The following ISX variants were observed in gnomAD, a reference collection of about 807,000 sequenced individuals.
The protein encoded by ISX is intestine specific homeobox.
ISX carries 15 observed loss-of-function variants against 16.9 expected under a neutral mutation model. That is an observed-to-expected ratio of 0.89 (90% CI 0.59 to 1.36). ISX has a LOEUF of 1.36. Ranked by LOEUF, ISX falls within the 40% of genes most tolerant of loss-of-function variation. ISX has a pLI of 0.00. For missense variants in ISX, 316 were observed against 306.1 expected (o/e 1.03, Z -0.24); for synonymous variants, 125 against 119.7 (o/e 1.04, Z -0.29).
rs997808442 is a variant in ISX at position 35,082,498 on chromosome 22, T to A, written c.230-20T>A. 1.2e-6 allele frequency: 2 copies of A among 1,612,916 alleles called. No individual in the cohort carries two copies. Among genetic ancestry groups the A allele is most frequent in the Non-Finnish European group, 1.7e-6 (2 of 1,179,206 alleles). ...CTGACACCAAGGCCACTGACACAACTTGGACCCTCTCCCATGCAGAAGGAA... is the reference window on the plus strand; with the variant it reads ...CTGACACCAAGGCCACTGACACAACATGGACCCTCTCCCATGCAGAAGGAA... On this transcript the variant is annotated intron_variant, in intron 2 of 4. Transcript: ENST00000404699.
In ISX at chr22:35,085,676, TG is replaced by T. The variant is rs1190927306; in HGVS notation, c.722del (p.Cys241LeufsTer64). 1 of 1,614,256 alleles carries T rather than the reference TG, an allele frequency of 6.2e-7. No individual in the cohort carries two copies. Among genetic ancestry groups the T allele is most frequent in the Admixed American group, 1.7e-5 (1 of 60,032 alleles). On this transcript the variant is annotated frameshift_variant, in exon 5 of 5. Transcript: ENST00000404699. LOFTEE classifies it high-confidence loss of function. ...PPPHPKWGSI[C>X]ATST ...TCCACACCCCAAATGGGGCAGCATC[TG>T]TGCTACTTCAACATAGAGATTGGAC... is the stretch of plus-strand genomic sequence containing the variant.
At chr22:35,084,167 A>T (rs1356211298) in intron 3 of ISX, among the ~76,000 whole-genome samples, 1 of 152,220 alleles carries the variant, frequency 6.6e-6, no homozygotes, top group African/African-American at 2.4e-5. Context: ...TGCTTCACTC[A>T]TGCATGGCCC....
Position 35,082,533 on chromosome 22 carries a change from AG to A in ISX, c.246del (p.Lys82AsnfsTer71). On this transcript the variant is annotated frameshift_variant, in exon 3 of 5. Transcript: ENST00000404699. LOFTEE classifies it high-confidence loss of function. ...KDQPQEGRKS[K>X]RRVRTTFTTE... is the part of the protein sequence containing the mutation. ...TCCCATGCAGAAGGAAGGAAGAGCA[AG>A]CGGAGGGTTCGTACCACCTTCACCA... 1 of 1,614,086 alleles carries A rather than the reference AG, an allele frequency of 6.2e-7. No individual in the cohort carries two copies. Among genetic ancestry groups the A allele is most frequent in the South Asian group, 1.1e-5 (1 of 91,076 alleles).
chr22:35,082,562 G>A lies in ISX; in HGVS notation c.274G>A (p.Glu92Lys), dbSNP rs754013706. The part of the protein sequence containing the change: ...KRRVRTTFTT[E>K]QLHELEKIFH... ...GAGGGTTCGTACCACCTTCACCACT[G>A]AGCAGCTGCATGAGCTGGAGAAGAT... The change falls in exon 3 of 5, where the codon GAG (glutamate) becomes AAG (lysine). Residue 92 changes from glutamate to lysine, a missense_variant. Physicochemically the swap from Glu to Lys is moderately conservative, Grantham distance 56. Coordinates refer to ENST00000404699, the MANE Select transcript of ISX (RefSeq NM_001303508.2). 1.2e-6 allele frequency: 2 copies of A among 1,614,074 alleles called. No homozygotes were observed. Among genetic ancestry groups the A allele is most frequent in the Non-Finnish European group, 8.5e-7 (1 of 1,180,032 alleles).
In ISX at chr22:35,082,454, C is replaced by G. The variant is rs555716452; in HGVS notation, c.230-64C>G. 23 of 1,562,410 alleles carry G rather than the reference C, an allele frequency of 1.5e-5. No individual in the cohort carries two copies. The African/African-American group carries it at 3.1e-4, about 21-fold the overall frequency. On this transcript the variant is annotated intron_variant, in intron 2 of 4. Transcript: ENST00000404699. ...GGTGGAAGGGTAGGACAAGGCAACA[C>G]AAAAACCCCACCTAGGTGCTGACAC...
Position 35,070,889 on chromosome 22 carries a change from G to T in ISX, c.229+3573G>T, listed in dbSNP as rs369257142. On this transcript the variant is annotated intron_variant, in intron 2 of 4. Transcript: ENST00000404699. ...TAATTTTAAGCTTTGATGGTCAGATGGTCTCTGTCACAATTACGCAACTCT... is the reference window on the plus strand; with the variant it reads ...TAATTTTAAGCTTTGATGGTCAGATTGTCTCTGTCACAATTACGCAACTCT... Among the ~76,000 whole-genome samples, 15 of 152,306 alleles carry T rather than the reference G, an allele frequency of 9.8e-5. No individual in the cohort carries two copies. In the East Asian group the frequency reaches 2.5e-3, roughly 25 times the overall value.
At chr22:35,083,168 T>C (rs1929163948) in intron 3 of ISX, among the ~76,000 whole-genome samples, 1 of 152,268 alleles carries the variant, frequency 6.6e-6, no homozygotes, top group African/African-American at 2.4e-5. Context: ...GAATGTTGTG[T>C]AATTTGCCTG....
At chr22:35,071,781 C>A (rs1601556700) in intron 2 of ISX, among the ~76,000 whole-genome samples, 1 of 152,276 alleles carries the variant, frequency 6.6e-6, no homozygotes, top group Non-Finnish European at 1.5e-5. Flanking sequence ...GGGAGAGGTA[C>A]CCTGGGTCAG....
chr22:35,082,717 ATG>A (rs1929152638), intron 3 of ISX, 48 bp downstream of exon 3: 1 of 1,601,196 alleles, frequency 6.2e-7, no homozygotes, highest in Non-Finnish European at 8.5e-7. Flanking sequence ...CCTTGGGACC[ATG>A]TGTGAGACAC....
At chr22:35,072,182 AC>A (rs71322947) in intron 2 of ISX, among the ~76,000 whole-genome samples, 1 of 151,850 alleles carries the variant, frequency 6.6e-6, no homozygotes, top group Admixed American at 6.6e-5. Context: ...CTACAGGGAT[AC>A]CTGGAGACTG....
intron 2 of ISX, among the ~76,000 whole-genome samples, chr22:35,074,133 G>T (rs1280344475): frequency 6.6e-6 from 1 of 152,168 alleles, no homozygotes; most frequent in Non-Finnish European, 1.5e-5. Context: ...CCTCTTCCTT[G>T]CTGCTAATTG....
chr22:35,071,099 C>T (rs1424272495), intron 2 of ISX, among the ~76,000 whole-genome samples: 3 of 152,196 alleles, frequency 2.0e-5, no homozygotes, highest in Non-Finnish European at 4.4e-5. Context: ...TGGCCCTGTT[C>T]ATCCCAGGCT....
intron 2 of ISX, among the ~76,000 whole-genome samples, chr22:35,082,124 C>G (rs927044260): frequency 4.6e-5 from 7 of 152,250 alleles, no homozygotes; most frequent in Non-Finnish European, 8.8e-5. Context: ...CAAAAACTGT[C>G]AGAGACAATA....
chr22:35,070,113 C>CTAG (rs1928811357), intron 2 of ISX, among the ~76,000 whole-genome samples: 1 of 152,310 alleles, frequency 6.6e-6, no homozygotes, highest in Non-Finnish European at 1.5e-5. Flanking sequence ...TGGGGCCAGG[C>CTAG]TAGTTATCTG....
rs549997215 is a variant in ISX, at chr22:35,072,539, T to C, written c.229+5223T>C. Among the ~76,000 whole-genome samples the C allele has an allele frequency of 3.3e-5, 5 of 152,136 alleles. No homozygotes were observed. In the South Asian group the frequency reaches 8.3e-4, roughly 25 times the overall value. On this transcript the variant is annotated intron_variant, in intron 2 of 4. Coordinates refer to ENST00000404699, the MANE Select transcript of ISX (RefSeq NM_001303508.2). Reference sequence around the variant, plus strand: ...AAACCCTGGCAGTAAGAAGTAGATATGGAGCATGGAAAGGTCTGGGTGATA... The same window carrying C: ...AAACCCTGGCAGTAAGAAGTAGATACGGAGCATGGAAAGGTCTGGGTGATA...
chr22:35,067,408 T>C, intron 2 of ISX, 92 bp downstream of exon 2: 2 of 838,352 alleles, frequency 2.4e-6, no homozygotes, highest in Non-Finnish European at 1.9e-6. Context: ...CCATATTAAC[T>C]GGATAGAGGA....
At chr22:35,083,725 A>G (rs369039723) in intron 3 of ISX, among the ~76,000 whole-genome samples, 21 of 152,320 alleles carry the variant, frequency 1.4e-4, no homozygotes, top group African/African-American at 4.8e-4. Flanking sequence ...ACTCATGTCT[A>G]AGACTTCTCT....
chr22:35,068,741 C>T (rs915757105), intron 2 of ISX, among the ~76,000 whole-genome samples: 7 of 152,150 alleles, frequency 4.6e-5, no homozygotes, highest in African/African-American at 1.4e-4. Context: ...CCATCTGGTC[C>T]CAGAACAGAC....
chr22:35,080,929 C>T (rs1472809193), intron 2 of ISX, among the ~76,000 whole-genome samples: 2 of 152,160 alleles, frequency 1.3e-5, no homozygotes, highest in Admixed American at 1.3e-4. Context: ...CTATCTGTAC[C>T]CCTTATCTCA....
Sources: gnomAD v4.1 joint callset for allele counts (sites outside exome capture counted in the v4.1 genomes callset) on GRCh38, gnomAD v4.1.1 for gene constraint, MANE v1.5 for transcripts, NCBI Gene and HGNC (gene_info 2026-07-23, HGNC 2026-07-21) for gene names.